Variants in PENK observed in about 807,000 individuals in gnomAD.
The protein encoded by PENK is proenkephalin.
PENK carries 25 observed loss-of-function variants against 24.1 expected under a neutral mutation model. That is an observed-to-expected ratio of 1.04 (90% CI 0.76 to 1.45). The LOEUF (loss-of-function observed/expected upper bound fraction) is 1.45. PENK is among the 40% of genes most tolerant of loss of function. The pLI, the probability that PENK is intolerant of heterozygous loss-of-function variation, is 0.00. For synonymous variants in PENK, 135 were observed against 130.3 expected (o/e 1.04, Z -0.24); for missense variants, 353 against 337.9 (o/e 1.04, Z -0.35).
rs767796107 is a variant in PENK at position 56,441,391 on chromosome 8, G to A, written c.685C>T (p.Arg229Trp). The A allele has an allele frequency of 4.3e-6, 7 of 1,613,988 alleles. No individual in the cohort carries two copies. Among genetic ancestry groups the A allele is most frequent in the Admixed American group, 1.7e-5 (1 of 60,008 alleles). ...RPEWWMDYQK[R>W]YGGFLKRFAE... ...AAGCGCTTCAGGAAACCTCCATACCGTTTCTGGTAGTCCATCCACCACTCT... is the reference window on the plus strand; with the variant it reads ...AAGCGCTTCAGGAAACCTCCATACCATTTCTGGTAGTCCATCCACCACTCT... The change falls in exon 4 of 4, where the codon CGG becomes TGG. Residue 229 changes from arginine to tryptophan, a missense_variant. Physicochemically the swap from Arg to Trp is moderately radical, Grantham distance 101. Coordinates refer to ENST00000451791, the MANE Select transcript of PENK (RefSeq NM_001135690.3).
rs34189005 is a variant in PENK, at chr8:56,441,293, G to T, written c.783C>A (p.Tyr261Ter). Residue 261 changes from tyrosine to a stop codon, truncating the protein, a stop_gained, in exon 4 of 4, where the codon TAC becomes TAA. Coordinates refer to ENST00000451791, the MANE Select transcript of PENK (RefSeq NM_001135690.3). LOFTEE classifies it high-confidence loss of function. ...SKEVPEMEKR[Y>*]GGFMRF ...GATATTAAAATCTCATAAATCCTCC[G>T]TATCTTTTTTCCATTTCAGGAACTT... The T allele has an allele frequency of 9.3e-6, 15 of 1,605,656 alleles. No individual in the cohort carries two copies. The Admixed American group carries it at 1.7e-4, about 19-fold the overall frequency.
chr8:56,441,026 G>A lies in PENK; in HGVS notation c.*246C>T. On this transcript the variant is annotated 3_prime_UTR_variant, in exon 4 of 4. Coordinates refer to ENST00000451791, the MANE Select transcript of PENK (RefSeq NM_001135690.3). ...ATTTATTGATGTTTGTCAAAAATAA[G>A]AGACAAGATAACAAAAACTATTTTA... The A allele has an allele frequency of 2.5e-6, 1 of 402,078 alleles. No individual in the cohort carries two copies. Among genetic ancestry groups the A allele is most frequent in the East Asian group, 3.7e-5 (1 of 27,088 alleles). The allele number at this position is 402,078 out of a possible 1,614,324, so 24.9% of individuals were successfully genotyped here.
rs752599409 is a variant in PENK at position 56,441,752 on chromosome 8, T to TCCATACCTTTTCATGAAGCCC, written c.303_323dup (p.Arg106_Lys112dup). The stretch of plus-strand genomic sequence containing the variant: ...GCTCATCCATTTTCTTCATGAAGCC[T>TCCATACCTTTTCATGAAGCCC]CCATACCTTTTCATGAAGCCCCCAT... On this transcript the variant is annotated inframe_insertion, in exon 4 of 4. Coordinates refer to ENST00000451791, the MANE Select transcript of PENK (RefSeq NM_001135690.3). 1.2e-6 allele frequency: 2 copies of TCCATACCTTTTCATGAAGCCC among 1,609,444 alleles called. No homozygotes were observed. Among genetic ancestry groups the TCCATACCTTTTCATGAAGCCC allele is most frequent in the East Asian group, 2.2e-5 (1 of 44,838 alleles).
chr8:56,446,123 G>C (rs1975285), intron 2 of PENK, 167 bp from the exon 3 acceptor site: 582,451 of 732,162 alleles, frequency 0.8, 232,902 homozygotes, highest in African/African-American at 0.93. Flanking sequence ...TTAGGTAGAC[G>C]TGGAGGCGAC....
rs1189382027 is a variant in PENK, at chr8:56,441,555, T to A, written c.521A>T (p.Asp174Val). 1 of 1,613,790 alleles carries A rather than the reference T, an allele frequency of 6.2e-7. No homozygotes were observed. The highest frequency in any genetic ancestry group is 1.1e-5 in the South Asian group (1 of 91,052). The change falls in exon 4 of 4, where the codon GAT (aspartate) becomes GTT (valine). Residue 174 changes from aspartate (D) to valine (V), a missense_variant. Transcript: ENST00000451791. ...CACTTCTTCCTCATTATCACTGCCA[T>A]CCTGGTGGTGGCTACGCTCTCGGTT... The part of the protein sequence containing the change: ...GDNRERSHHQ[D>V]GSDNEEEVSK...
chr8:56,445,856 C>T lies in PENK; in HGVS notation c.98G>A (p.Cys33Tyr), dbSNP rs1372005111. ...GGCCGGGCGCACTAGGCGGTAGCTG[C>T]ACGTCGCGCAATCCTGGCTGCATTC... ...RAECSQDCAT[C>Y]SYRLVRPADI... The change falls in exon 3 of 4, where the codon TGC becomes TAC. Residue 33 changes from cysteine (C) to tyrosine (Y), a missense_variant. By Grantham distance (194) the Cys-to-Tyr change is radical. Coordinates refer to ENST00000451791, the MANE Select transcript of PENK (RefSeq NM_001135690.3). 2 of 1,613,340 alleles carry T rather than the reference C, an allele frequency of 1.2e-6. No individual in the cohort carries two copies. Among genetic ancestry groups the T allele is most frequent in the South Asian group, 2.2e-5 (2 of 91,076 alleles).
intron 3 of PENK, chr8:56,443,604 C>A: frequency 4.5e-6 from 1 of 221,164 alleles, no homozygotes; most frequent in South Asian, 7.5e-5. Context: ...CAGTACCAAT[C>A]ATAAGTGTCT....
chr8:56,444,089 C>G, intron 3 of PENK: 2 of 651,550 alleles, frequency 3.1e-6, no homozygotes, highest in East Asian at 2.8e-5. Flanking sequence ...CAGGGAAGAG[C>G]TAGCTGCTAC....
In PENK at chr8:56,445,903, C is replaced by A. The variant is rs1804652593; in HGVS notation, c.51G>T (p.Gly17=). The A allele has an allele frequency of 3.1e-6, 5 of 1,612,596 alleles. No homozygotes were observed. Among genetic ancestry groups the A allele is most frequent in the Non-Finnish European group, 4.2e-6 (5 of 1,179,688 alleles). ...LCTWLLLLGP[G]LLATVRAECS... ...ATTCGGCCCGCACGGTCGCCAGGAG[C>A]CCGGGGCCGAGCAACAGCAGCCAAG... Residue 17 remains glycine (G), a synonymous_variant, in exon 3 of 4, where the codon GGG becomes GGT. Coordinates refer to ENST00000451791, the MANE Select transcript of PENK (RefSeq NM_001135690.3).
Position 56,441,127 on chromosome 8 carries a change from C to A in PENK, c.*145G>T. 1 of 648,488 alleles carries A rather than the reference C, an allele frequency of 1.5e-6. No homozygotes were observed. The highest frequency in any genetic ancestry group is 2.7e-6 in the Non-Finnish European group (1 of 369,372). 40.2% of individuals were successfully genotyped at this position (648,488 alleles called of 1,614,324 possible). On this transcript the variant is annotated 3_prime_UTR_variant, in exon 4 of 4. Transcript: ENST00000451791. The stretch of plus-strand genomic sequence containing the variant: ...AAAAAGAGCACAGAACCTGAAATGA[C>A]AGTTTTCAGGTTGTATAGTTATCCA...
chr8:56,444,394 A>C lies in PENK; in HGVS notation c.138+1422T>G, dbSNP rs141368754. On this transcript the variant is annotated intron_variant, in intron 3 of 3. Transcript: ENST00000451791. ...ACATGTTGAGCAGGCAAAGCTCAAA[A>C]TATGTGTGACTGGGCACAGGGAATT... Among the ~76,000 whole-genome samples the C allele has an allele frequency of 5.4e-3, 817 of 152,326 alleles. 7 individuals are homozygous for C. The highest frequency in any genetic ancestry group is 0.018 in the African/African-American group (745 of 41,572).
At chr8:56,443,885 G>T in intron 3 of PENK, 1 of 652,878 alleles carries the variant, frequency 1.5e-6, no homozygotes. Context: ...TTTTCAAGTT[G>T]CTAACACTAC....
At chr8:56,445,255 C>T (rs4738502) in intron 3 of PENK, 59,538 of 180,550 alleles carry the variant, frequency 0.33, 10,192 homozygotes, top group East Asian at 0.45. Context: ...TCCCCGTACC[C>T]CTTTTCCATC....
intron 3 of PENK, among the ~76,000 whole-genome samples, chr8:56,442,456 G>C (rs7830683): frequency 0.034 from 5,184 of 152,042 alleles, 125 homozygotes; most frequent in South Asian, 0.071. Context: ...AAATGGTATC[G>C]AGTATTCCTG....
At chr8:56,445,759 C>T (rs1804646288) in intron 3 of PENK, 57 bp downstream of exon 3, 6 of 1,607,378 alleles carry the variant, frequency 3.7e-6, no homozygotes, top group Non-Finnish European at 5.1e-6. Context: ...AGTCCGCGTA[C>T]TGTTGCGGAA....
chr8:56,444,600 T>C (rs530195224), intron 3 of PENK, among the ~76,000 whole-genome samples: 1 of 152,346 alleles, frequency 6.6e-6, no homozygotes, highest in African/African-American at 2.4e-5. Flanking sequence ...AAGGGGATTG[T>C]TTCTCCTATT....
At chr8:56,443,639 T>C in intron 3 of PENK, 1 of 260,678 alleles carries the variant, frequency 3.8e-6, no homozygotes, top group Non-Finnish European at 7.3e-6. Flanking sequence ...GCTCAGTAAA[T>C]ATTTGTTACA....
In PENK at chr8:56,444,937, G is replaced by A. The variant is rs1295930454; in HGVS notation, c.138+879C>T. Among the ~76,000 whole-genome samples, 3 of 152,156 alleles carry A rather than the reference G, an allele frequency of 2.0e-5. No individual in the cohort carries two copies. In the East Asian group the frequency reaches 5.8e-4, roughly 29 times the overall value. On this transcript the variant is annotated intron_variant, in intron 3 of 3. Transcript: ENST00000451791. ...GTAAAAGTGAAGCTACCTGAGTCTCGAGGTTGGAGATTCAGACTCAGTAGA... is the reference window on the plus strand; with the variant it reads ...GTAAAAGTGAAGCTACCTGAGTCTCAAGGTTGGAGATTCAGACTCAGTAGA...
intron 3 of PENK, among the ~76,000 whole-genome samples, chr8:56,444,649 C>T (rs1330656996): frequency 6.6e-6 from 1 of 152,202 alleles, no homozygotes; most frequent in South Asian, 2.1e-4. Flanking sequence ...AATATACAAC[C>T]TTCCTATGTG....
Sources: allele counts gnomAD v4.1 joint callset (sites outside exome capture counted in the v4.1 genomes callset), GRCh38; gene constraint gnomAD v4.1.1; transcripts MANE v1.5; gene names NCBI Gene and HGNC (gene_info 2026-07-23, HGNC 2026-07-21).